RPH3AL: variants seen among roughly 807,000 people sequenced by gnomAD.
The protein encoded by RPH3AL is rabphilin 3A like (without C2 domains), also known as rab effector Noc2.
Under a neutral mutation model 43.1 loss-of-function variants are expected in RPH3AL, and 38 were observed. The observed-to-expected ratio is 0.88, with a 90% CI of 0.68 to 1.15. The LOEUF (loss-of-function observed/expected upper bound fraction) is 1.15, where lower values mean the gene tolerates loss of function less well. Ranked by LOEUF, RPH3AL falls within the 50% of genes most tolerant of loss-of-function variation. The pLI is 0.00. For missense variants in RPH3AL, 462 were observed against 423.2 expected, an observed-to-expected ratio of 1.09 and a Z score of -0.81; for synonymous variants, 189 against 176.3, an observed-to-expected ratio of 1.07 and a Z score of -0.57.
chr17:308,799 C>G (rs2043563950), intron 5 of RPH3AL, among the ~76,000 whole-genome samples: 1 of 152,218 alleles, frequency 6.6e-6, no homozygotes, highest in African/African-American at 2.4e-5. Context: ...GAGACCCCAT[C>G]AGCACCTGAA....
chr17:333,005 G>A lies in RPH3AL; in HGVS notation c.-37+754C>T. On this transcript the variant is annotated intron_variant, in intron 2 of 9. Coordinates refer to ENST00000331302, the MANE Select transcript of RPH3AL (RefSeq NM_006987.4). The surrounding 1 kb of genome is among the most constrained non-coding windows in gnomAD (Gnocchi z 4.5). ...ATTCCTAGGGGACAGAGGCTCATCA[G>A]CCCCAGGCAACTTCCTGAGACAGAT... The A allele has an allele frequency of 7.8e-7, 1 of 1,286,556 alleles. No individual in the cohort carries two copies. Among genetic ancestry groups the A allele is most frequent in the Non-Finnish European group, 1.0e-6 (1 of 986,526 alleles). The allele number at this position is 1,286,556 out of a possible 1,614,324, so 79.7% of individuals were successfully genotyped here. A position where few individuals can be genotyped will look rare whatever the true frequency, so the allele number is the denominator to read the frequency against.
At position 342,308 on chromosome 17, in the gene RPH3AL, A is replaced by C. The variant is rs778382372; in HGVS notation, c.-212-8374T>G. ...CTATGGAAGACAGTTTAGTTCCTCAACAAGTTAACACACAATTATCATCTG... is the reference window on the plus strand; with the variant it reads ...CTATGGAAGACAGTTTAGTTCCTCACCAAGTTAACACACAATTATCATCTG... On this transcript the variant is annotated intron_variant, in intron 1 of 9. Coordinates refer to ENST00000331302, the MANE Select transcript of RPH3AL (RefSeq NM_006987.4). 3.3e-5 allele frequency among the ~76,000 whole-genome samples: 5 copies of C among 152,356 alleles called. No homozygotes were observed. In the East Asian group the frequency reaches 9.6e-4, roughly 29 times the overall value.
In RPH3AL at chr17:273,264, T is replaced by C. The variant is rs369088102; in HGVS notation, c.438+8504A>G. Among the ~76,000 whole-genome samples the C allele has an allele frequency of 3.9e-3, 36 of 9,330 alleles. 1 individual carries two copies. Among genetic ancestry groups the C allele is most frequent in the African/African-American group, 0.012 (25 of 2,006 alleles). 6.1% of individuals were successfully genotyped at this position (9,330 alleles called of 152,430 possible). ...CGTCAGGGAGAGACCCCAGCGAGGG[T>C]GACGTCAGGGAGAGACCCCAGCGAG... On this transcript the variant is annotated intron_variant, in intron 6 of 9. Coordinates refer to ENST00000331302, the MANE Select transcript of RPH3AL (RefSeq NM_006987.4).
At chr17:314,848 C>A (rs1256255582) in intron 5 of RPH3AL, among the ~76,000 whole-genome samples, 1 of 150,850 alleles carries the variant, frequency 6.6e-6, no homozygotes, top group Admixed American at 6.6e-5. Flanking sequence ...CCTCCATTGA[C>A]CTGTAGTCCC....
chr17:309,159 G>A (rs867270511), intron 5 of RPH3AL, among the ~76,000 whole-genome samples: 23 of 152,180 alleles, frequency 1.5e-4, no homozygotes, highest in African/African-American at 5.5e-4. Flanking sequence ...TCCAGGCGAG[G>A]TGGTGCATGA....
chr17:273,014 A>AGGGCGACGTCAGGGAGAGACCCCAG, intron 6 of RPH3AL, among the ~76,000 whole-genome samples: 1 of 118,284 alleles, frequency 8.5e-6, no homozygotes, highest in African/African-American at 2.8e-5. Context: ...AGCGAGGGCG[A>AGGGCGACGTCAGGGAGAGACCCCAG]CATCAGGAAG....
chr17:346,398 G>C (rs976858095), intron 1 of RPH3AL, among the ~76,000 whole-genome samples: 1 of 135,208 alleles, frequency 7.4e-6, no homozygotes, highest in Non-Finnish European at 1.7e-5. Context: ...CACGTGGCTG[G>C]GGAAGCCTCA....
At chr17:315,809 C>A (rs1555520545) in intron 5 of RPH3AL, among the ~76,000 whole-genome samples, 4 of 133,790 alleles carry the variant, frequency 3.0e-5, no homozygotes, top group Admixed American at 7.5e-5. Context: ...CCCTGTGCCC[C>A]ACCTCCATTG....
chr17:334,412 G>A (rs1055258337), intron 1 of RPH3AL, among the ~76,000 whole-genome samples: 1 of 152,104 alleles, frequency 6.6e-6, no homozygotes, highest in African/African-American at 2.4e-5. Flanking sequence ...CACTGCGGGG[G>A]GACAGGGACA....
chr17:327,378 G>A, intron 3 of RPH3AL, 89 bp downstream of exon 3: 1 of 1,184,514 alleles, frequency 8.4e-7, no homozygotes, highest in Non-Finnish European at 1.3e-6. Context: ...ATCTCTTTCT[G>A]GGCCCCTGGG....
intron 1 of RPH3AL, among the ~76,000 whole-genome samples, chr17:342,354 G>C (rs1473653628): frequency 6.6e-6 from 1 of 152,140 alleles, no homozygotes; most frequent in Non-Finnish European, 1.5e-5. Flanking sequence ...TTCGCTCCCA[G>C]GTATAGACCC....
intron 5 of RPH3AL, among the ~76,000 whole-genome samples, chr17:298,142 A>G (rs2043227698): frequency 6.6e-6 from 1 of 152,084 alleles, no homozygotes; most frequent in African/African-American, 2.4e-5. Context: ...TCCATGACCC[A>G]GTGCCAGGGT....
At chr17:261,194 G>A (rs77164500) in intron 6 of RPH3AL, among the ~76,000 whole-genome samples, 1 of 152,192 alleles carries the variant, frequency 6.6e-6, no homozygotes, top group Admixed American at 6.5e-5. Flanking sequence ...GAGGGTGCTG[G>A]GGGCTGAACT....
intron 7 of RPH3AL, among the ~76,000 whole-genome samples, chr17:232,751 A>C (rs1361355195): frequency 1.3e-5 from 2 of 152,000 alleles, no homozygotes; most frequent in Non-Finnish European, 2.9e-5. Flanking sequence ...CCAAGGTGCC[A>C]CACAGGGCCT....
At position 342,374 on chromosome 17, in the gene RPH3AL, G is replaced by A. The variant is rs150145851; in HGVS notation, c.-212-8440C>T. Among the ~76,000 whole-genome samples, 27 of 152,300 alleles carry A rather than the reference G, an allele frequency of 1.8e-4. No individual in the cohort carries two copies. In the East Asian group the frequency reaches 4.8e-3, roughly 27 times the overall value. On this transcript the variant is annotated intron_variant, in intron 1 of 9. Transcript: ENST00000331302. ...TCCCAGGTATAGACCCAAAAGAATT[G>A]AAAGCAAGTGTTCAAATTAAAACCT...
chr17:327,458 G>A lies in RPH3AL; in HGVS notation c.77+9C>T. On this transcript the variant is annotated intron_variant, in intron 3 of 9. Transcript: ENST00000331302. ...AAGGGACGGCCTGGGGGGCCCCAGA[G>A]GTACTCACTTGGCTCGAAGGGCAAG... is the stretch of plus-strand genomic sequence containing the variant. 1.2e-6 allele frequency: 2 copies of A among 1,613,516 alleles called. No homozygotes were observed. The highest frequency in any genetic ancestry group is 1.7e-6 in the Non-Finnish European group (2 of 1,179,618).
intron 7 of RPH3AL, among the ~76,000 whole-genome samples, chr17:241,595 A>G (rs2041535164): frequency 2.0e-5 from 3 of 152,040 alleles, no homozygotes; most frequent in Admixed American, 2.0e-4. Context: ...GTAAGAGCCT[A>G]TTTTTATTGC....
chr17:242,626 A>C (rs1555537560), intron 7 of RPH3AL, among the ~76,000 whole-genome samples: 11 of 132,292 alleles, frequency 8.3e-5, no homozygotes, highest in African/African-American at 1.2e-4. Context: ...TCTATTGATT[A>C]CCTTCCTCTA....
At position 239,318 on chromosome 17, in the gene RPH3AL, C is replaced by G. The variant is rs555988396; in HGVS notation, c.613+7793G>C. ...GTTATTTTTAACATTTCGATCTTAC[C>G]TATCTGCAGTGTGTTTCTGGATACA... On this transcript the variant is annotated intron_variant, in intron 7 of 9. Coordinates refer to ENST00000331302, the MANE Select transcript of RPH3AL (RefSeq NM_006987.4). Among the ~76,000 whole-genome samples the G allele has an allele frequency of 4.6e-5, 7 of 152,292 alleles. No homozygotes were observed. In the East Asian group the frequency reaches 7.7e-4, roughly 17 times the overall value.
Sources: gnomAD v4.1 joint callset for allele counts (sites outside exome capture counted in the v4.1 genomes callset) on GRCh38, gnomAD v4.1.1 for gene constraint, Gnocchi (gnomAD v3.1) non-coding constraint, MANE v1.5 for transcripts, NCBI Gene and HGNC (gene_info 2026-07-23, HGNC 2026-07-21) for gene names.